Variants in HDAC9 observed in about 807,000 individuals in gnomAD.
The protein encoded by HDAC9 is histone deacetylase 9.
Under a neutral mutation model 139.4 loss-of-function variants are expected in HDAC9, and 41 were observed. The observed-to-expected ratio is 0.29, with a 90% CI of 0.23 to 0.38. The LOEUF (loss-of-function observed/expected upper bound fraction) is 0.38, where lower values mean the gene tolerates loss of function less well. HDAC9 is among the 10% of genes least tolerant of loss of function. The pLI is 1.00. For missense variants in HDAC9, 1,147 were observed against 1,297.0 expected (o/e 0.88, Z 1.78); for synonymous variants, 517 against 476.2 (o/e 1.09, Z -1.12).
chr7:18,568,487 A>C lies in HDAC9; in HGVS notation c.23-16794A>C, dbSNP rs533189537. Among the ~76,000 whole-genome samples, 37 of 152,202 alleles carry C rather than the reference A, an allele frequency of 2.4e-4. 1 individual carries two copies. Among genetic ancestry groups the C allele is most frequent in the Non-Finnish European group, 4.7e-4 (32 of 68,038 alleles). ...CGCTCAGCATATGTTGCTCATTTTA[A>C]AGTGCCATCATTCTTATTTATATTT... On this transcript the variant is annotated intron_variant, in intron 2 of 25. Coordinates refer to ENST00000686413, the MANE Select transcript of HDAC9 (RefSeq NM_178425.4).
chr7:18,495,640 C>G, upstream of HDAC9: 7 of 680,890 alleles, frequency 1.0e-5, no homozygotes, highest in Non-Finnish European at 1.3e-5. Context: ...TGGCTCAGGC[C>G]GACCATTGTT....
chr7:18,945,846 A>G (rs368984531), intron 23 of HDAC9, among the ~76,000 whole-genome samples: 32 of 151,694 alleles, frequency 2.1e-4, no homozygotes, highest in South Asian at 2.1e-3. Context: ...AGACCATCCT[A>G]ACCAACATGG....
intron 1 of HDAC9, among the ~76,000 whole-genome samples, chr7:18,489,671 G>T (rs933992521): frequency 2.4e-4 from 36 of 151,984 alleles, no homozygotes; most frequent in African/African-American, 8.2e-4. Context: ...GGCTTGCACT[G>T]TGGCTGTGAA....
At chr7:18,368,192 A>G (rs1259127765) in intron 1 of HDAC9, among the ~76,000 whole-genome samples, 2 of 152,148 alleles carry the variant, frequency 1.3e-5, no homozygotes, top group African/African-American at 2.4e-5. Flanking sequence ...TTAACTAAAC[A>G]GTTAATACTT....
At chr7:18,933,257 A>G (rs1191648254) in intron 22 of HDAC9, among the ~76,000 whole-genome samples, 1 of 152,136 alleles carries the variant, frequency 6.6e-6, no homozygotes, top group Non-Finnish European at 1.5e-5. Flanking sequence ...CTGCCAAGTA[A>G]AGACTTGGAC....
chr7:18,470,552 G>T (rs1325078857), intron 1 of HDAC9, among the ~76,000 whole-genome samples: 1 of 152,196 alleles, frequency 6.6e-6, no homozygotes, highest in East Asian at 1.9e-4. Flanking sequence ...CTTAAGGCAG[G>T]AGTTGGCAAA....
At chr7:18,701,269 T>A (rs996871006) in intron 12 of HDAC9, among the ~76,000 whole-genome samples, 2 of 152,038 alleles carry the variant, frequency 1.3e-5, no homozygotes, top group African/African-American at 4.8e-5. Flanking sequence ...GGTGTATCAT[T>A]CTAGTCATTG....
At chr7:18,713,578 T>G (rs1055420745) in intron 12 of HDAC9, among the ~76,000 whole-genome samples, 6 of 152,160 alleles carry the variant, frequency 3.9e-5, no homozygotes, top group Admixed American at 1.3e-4. Context: ...ACAACAGATT[T>G]AGAAAGATTT....
intron 2 of HDAC9, among the ~76,000 whole-genome samples, chr7:18,551,231 A>G (rs1056143872): frequency 6.6e-6 from 1 of 152,154 alleles, no homozygotes; most frequent in Non-Finnish European, 1.5e-5. Flanking sequence ...ATGTCAGGAG[A>G]TCTTTTTTTA....
intron 21 of HDAC9, among the ~76,000 whole-genome samples, chr7:18,842,561 T>C (rs1178282059): frequency 6.6e-6 from 1 of 152,112 alleles, no homozygotes; most frequent in Non-Finnish European, 1.5e-5. Flanking sequence ...TTCCGTATGT[T>C]GAGATGTTTC....
intron 2 of HDAC9, among the ~76,000 whole-genome samples, chr7:18,567,026 A>T (rs1489596206): frequency 2.0e-5 from 3 of 152,156 alleles, no homozygotes; most frequent in Non-Finnish European, 4.4e-5. Context: ...GCTAAAGATG[A>T]GTTTTTCTTA....
At chr7:18,459,660 AC>A (rs1264050989) in intron 1 of HDAC9, among the ~76,000 whole-genome samples, 1 of 152,134 alleles carries the variant, frequency 6.6e-6, no homozygotes, top group African/African-American at 2.4e-5. Flanking sequence ...TTACAAATTA[AC>A]ATTTGCAAGT....
intron 2 of HDAC9, among the ~76,000 whole-genome samples, chr7:18,262,954 GAC>G (rs1420041763): frequency 6.6e-6 from 1 of 151,760 alleles, no homozygotes; most frequent in Non-Finnish European, 1.5e-5. Context: ...AGGACAAAAA[GAC>G]AGCATATAGA....
At position 18,592,865 on chromosome 7, in the gene HDAC9, C is replaced by T. The variant is rs114589023; in HGVS notation, c.543-1043C>T. Among the ~76,000 whole-genome samples the T allele has an allele frequency of 3.4e-3, 521 of 152,158 alleles. 3 individuals are homozygous for T. The highest frequency in any genetic ancestry group is 0.012 in the African/African-American group (496 of 41,530). The stretch of plus-strand genomic sequence containing the variant: ...CTACACACATAATTTATAGCTAATT[C>T]ATAATTCAAAATTAAAGTCTGTTCT... On this transcript the variant is annotated intron_variant, in intron 5 of 25. Transcript: ENST00000686413.
intron 2 of HDAC9, among the ~76,000 whole-genome samples, chr7:18,551,021 C>A (rs1382096744): frequency 6.6e-6 from 1 of 152,134 alleles, no homozygotes; most frequent in Non-Finnish European, 1.5e-5. Flanking sequence ...ATATTATTAA[C>A]AACAACCACA....
intron 13 of HDAC9, among the ~76,000 whole-genome samples, chr7:18,728,955 C>A (rs118037722): frequency 6.6e-6 from 1 of 152,120 alleles, no homozygotes; most frequent in Non-Finnish European, 1.5e-5. Context: ...TAGCCATTGC[C>A]TCTGACTCTT....
At chr7:18,955,904 C>A (rs1473031674) in intron 24 of HDAC9, among the ~76,000 whole-genome samples, 1 of 152,098 alleles carries the variant, frequency 6.6e-6, no homozygotes, top group East Asian at 1.9e-4. Flanking sequence ...GTGAAGGACT[C>A]TATTTCCACA....
At chr7:18,436,356 T>C (rs1486800314) in intron 1 of HDAC9, among the ~76,000 whole-genome samples, 2 of 152,198 alleles carry the variant, frequency 1.3e-5, no homozygotes, top group Non-Finnish European at 2.9e-5. Flanking sequence ...CCTGCAGTCT[T>C]TGAAAGTTGG....
chr7:18,530,548 A>C (rs1457102180), intron 2 of HDAC9, among the ~76,000 whole-genome samples: 1 of 152,104 alleles, frequency 6.6e-6, no homozygotes, highest in Non-Finnish European at 1.5e-5. Context: ...AGCTACTGCA[A>C]AATCTTCTAG....
Sources: allele counts gnomAD v4.1 joint callset (sites outside exome capture counted in the v4.1 genomes callset), GRCh38; gene constraint gnomAD v4.1.1; transcripts MANE v1.5; gene names NCBI Gene and HGNC (gene_info 2026-07-23, HGNC 2026-07-21).